Variants in NPTN observed in about 807,000 individuals in gnomAD.
NPTN encodes SDR-1.
NPTN carries 5 observed loss-of-function variants against 42.7 expected under a neutral mutation model. That is an observed-to-expected ratio of 0.12 (90% CI 0.06 to 0.25). The LOEUF (loss-of-function observed/expected upper bound fraction) is 0.25, where lower values mean the gene tolerates loss of function less well. Among genes scored for constraint, NPTN ranks in the 10% least tolerant of loss-of-function variants. NPTN has a pLI of 1.00. For missense variants in NPTN, 307 were observed against 525.4 expected, an observed-to-expected ratio of 0.58 and a Z score of 4.06; for synonymous variants, 180 against 201.9, an observed-to-expected ratio of 0.89 and a Z score of 0.92.
chr15:73,631,151 T>C (rs899665142), intron 1 of NPTN, among the ~76,000 whole-genome samples: 9 of 152,182 alleles, frequency 5.9e-5, no homozygotes, highest in South Asian at 2.1e-4. Flanking sequence ...TTATAAATCA[T>C]TGGAAAAAAG....
chr15:73,566,817 T>C (rs754982848), intron 6 of NPTN, among the ~76,000 whole-genome samples: 1 of 152,214 alleles, frequency 6.6e-6, no homozygotes, highest in Non-Finnish European at 1.5e-5. Flanking sequence ...TTTGACTCCA[T>C]GATTCACTTG....
intron 1 of NPTN, among the ~76,000 whole-genome samples, chr15:73,605,107 G>C (rs898706316): frequency 2.1e-5 from 3 of 145,340 alleles, no homozygotes; most frequent in Admixed American, 6.7e-5. Flanking sequence ...CAAGGGGGGG[G>C]GGGGAAAAGA....
chr15:73,581,838 T>C (rs558229653), intron 4 of NPTN, among the ~76,000 whole-genome samples: 1 of 150,660 alleles, frequency 6.6e-6, no homozygotes, highest in Non-Finnish European at 1.5e-5. Context: ...ATGGTGCTCT[T>C]TTTTTTTTTC....
At chr15:73,568,890 T>G (rs1255383042) in intron 6 of NPTN, 20 of 985,370 alleles carry the variant, frequency 2.0e-5, no homozygotes, top group Non-Finnish European at 2.4e-5. Flanking sequence ...AAGGAAAAGA[T>G]GGGGAAGGGG....
chr15:73,596,269 C>T (rs1896831706), intron 2 of NPTN, among the ~76,000 whole-genome samples: 1 of 152,204 alleles, frequency 6.6e-6, no homozygotes, highest in Non-Finnish European at 1.5e-5. Context: ...GTGAGGAGTA[C>T]ACTGCTGCAG....
intron 6 of NPTN, chr15:73,567,233 T>TA: frequency 1.0e-6 from 1 of 985,248 alleles, no homozygotes; most frequent in Non-Finnish European, 1.2e-6. Context: ...TGCATTCATA[T>TA]AAAAAAAGTT....
At chr15:73,580,898 A>T (rs1050365181) in intron 4 of NPTN, among the ~76,000 whole-genome samples, 2 of 152,122 alleles carry the variant, frequency 1.3e-5, no homozygotes, top group African/African-American at 4.8e-5. Flanking sequence ...TGAGTAACCC[A>T]GGGCAGATCA....
chr15:73,599,862 A>G (rs987720880), intron 1 of NPTN, among the ~76,000 whole-genome samples: 3 of 152,176 alleles, frequency 2.0e-5, no homozygotes, highest in Non-Finnish European at 4.4e-5. Flanking sequence ...TGCGGTAATT[A>G]TGTACTCGAT....
chr15:73,565,636 A>AT (rs1222091319), intron 6 of NPTN: 1 of 400,260 alleles, frequency 2.5e-6, no homozygotes, highest in East Asian at 7.5e-5. Context: ...CCTCAGGCCA[A>AT]AAGATAGCCA....
intron 2 of NPTN, among the ~76,000 whole-genome samples, chr15:73,595,824 T>C (rs181788949): frequency 7.5e-4 from 114 of 152,310 alleles, no homozygotes; most frequent in Middle Eastern, 6.8e-3. Context: ...CTCTCTCTGC[T>C]TCTCAACATA....
intron 3 of NPTN, among the ~76,000 whole-genome samples, chr15:73,588,587 T>C (rs1314015159): frequency 6.6e-6 from 1 of 152,204 alleles, no homozygotes; most frequent in African/African-American, 2.4e-5. Context: ...TCTTCAGTTT[T>C]TCAATGCACC....
intron 4 of NPTN, among the ~76,000 whole-genome samples, chr15:73,575,812 C>A (rs1054288666): frequency 2.0e-5 from 3 of 152,250 alleles, no homozygotes; most frequent in Admixed American, 2.0e-4. Context: ...CCTGGATGGG[C>A]ATGCACTGGG....
intron 1 of NPTN, among the ~76,000 whole-genome samples, chr15:73,612,891 T>C (rs2141454359): frequency 6.6e-6 from 1 of 152,272 alleles, no homozygotes; most frequent in African/African-American, 2.4e-5. Flanking sequence ...TAGGAGGAAA[T>C]CTCCTAAGCC....
intron 3 of NPTN, among the ~76,000 whole-genome samples, chr15:73,590,403 G>A (rs1430283978): frequency 6.6e-6 from 1 of 152,058 alleles, no homozygotes; most frequent in Non-Finnish European, 1.5e-5. Context: ...CACTTTGCAG[G>A]CAATAGTACA....
chr15:73,591,105 A>G (rs767611477), intron 3 of NPTN, among the ~76,000 whole-genome samples: 2 of 152,228 alleles, frequency 1.3e-5, no homozygotes, highest in Non-Finnish European at 2.9e-5. Context: ...TTCAAGTCCT[A>G]GTTTCCTTGC....
intron 3 of NPTN, 84 bp from the exon 4 acceptor site, chr15:73,587,702 G>A: frequency 2.0e-6 from 2 of 998,316 alleles, no homozygotes; most frequent in Non-Finnish European, 3.2e-6. Context: ...GGGGCAATCA[G>A]GGATCCTGCT....
chr15:73,575,246 G>A (rs1332937539), intron 4 of NPTN, among the ~76,000 whole-genome samples: 1 of 152,112 alleles, frequency 6.6e-6, no homozygotes, highest in East Asian at 1.9e-4. Context: ...GCCTCCCAAA[G>A]TGTTGGGATT....
At chr15:73,593,481 C>T (rs758054193) in intron 2 of NPTN, among the ~76,000 whole-genome samples, 3 of 152,138 alleles carry the variant, frequency 2.0e-5, no homozygotes, top group Non-Finnish European at 4.4e-5. Context: ...TTCCTATCTA[C>T]AGCTTTGCAG....
intron 1 of NPTN, among the ~76,000 whole-genome samples, chr15:73,614,679 C>T (rs968136500): frequency 6.6e-6 from 1 of 152,026 alleles, no homozygotes; most frequent in Non-Finnish European, 1.5e-5. Context: ...GAATAAGATT[C>T]TTATTAATGA....
Sources: gnomAD v4.1 joint callset for allele counts (sites outside exome capture counted in the v4.1 genomes callset) on GRCh38, gnomAD v4.1.1 for gene constraint, MANE v1.5 for transcripts, NCBI Gene and HGNC (gene_info 2026-07-23, HGNC 2026-07-21) for gene names.